ARHGEF1: variants seen among roughly 807,000 people sequenced by gnomAD.
ARHGEF1 encodes Rho guanine nucleotide exchange factor 1.
A neutral mutation model predicts 119.7 loss-of-function variants in ARHGEF1; 40 were observed. That is an observed-to-expected ratio of 0.33 (90% CI 0.26 to 0.44). The LOEUF is 0.44. Ranked by LOEUF, ARHGEF1 falls within the 20% of genes least tolerant of loss-of-function variation. ARHGEF1 has a pLI of 1.00. For synonymous variants in ARHGEF1, 494 were observed against 521.0 expected, an observed-to-expected ratio of 0.95 and a Z score of 0.71; for missense variants, 976 against 1,268.3, an observed-to-expected ratio of 0.77 and a Z score of 3.50.
chr19:41,892,058 C>G lies in ARHGEF1; in HGVS notation c.259C>G (p.Leu87Val). The part of the protein sequence containing the change: ...CCLHADMLGS[L>V]GPKEAKKAFL... ...TCTGCATGCCGACATGCTGGGCTCACTGGGCCCCAAGGAGGCCAAGAAGGC... is the reference window on the plus strand; with the variant it reads ...TCTGCATGCCGACATGCTGGGCTCAGTGGGCCCCAAGGAGGCCAAGAAGGC... The change falls in exon 5 of 29, where the codon CTG (leucine) becomes GTG (valine). Residue 87 changes from leucine to valine, a missense_variant. Leu to Val is a conservative substitution (Grantham distance 32, BLOSUM62 1). Coordinates refer to ENST00000354532, the MANE Select transcript of ARHGEF1 (RefSeq NM_004706.4). This position sits in a 1 kb window ranked among gnomAD's most constrained non-coding sequence, Gnocchi z 6.3. The G allele has an allele frequency of 6.2e-7, 1 of 1,612,720 alleles. No homozygotes were observed. The highest frequency in any genetic ancestry group is 1.1e-5 in the South Asian group (1 of 90,994).
Position 41,916,730 on chromosome 19 carries a change from C to T in ARHGEF1, c.1866-6362C>T, listed in dbSNP as rs1428817566. 1.3e-5 allele frequency among the ~76,000 whole-genome samples: 2 copies of T among 152,030 alleles called. No individual in the cohort carries two copies. Among genetic ancestry groups the T allele is most frequent in the African/African-American group, 4.8e-5 (2 of 41,364 alleles). On this transcript the variant is annotated intron_variant, in intron 18 of 20. Transcript: ENST00000599589. The surrounding 1 kb of genome is among the most constrained non-coding windows in gnomAD (Gnocchi z 5.4). ...GGTCACGCATGGAGCCGTAGAGATA[C>T]ACACACCAGCACCAACCCAGACAGC...
upstream of ARHGEF1, among the ~76,000 whole-genome samples, chr19:41,921,422 C>T (rs2074841708): frequency 6.6e-6 from 1 of 152,086 alleles, no homozygotes; most frequent in Admixed American, 6.5e-5. The surrounding 1 kb of genome is among the most constrained non-coding windows in gnomAD (Gnocchi z 4.4). Context: ...AGGAAAGAGA[C>T]ACAGAGGACA....
rs1277600326 is a variant in ARHGEF1, at chr19:41,884,581, C to T, written c.-20+1292C>T. 29 of 1,537,770 alleles carry T rather than the reference C, an allele frequency of 1.9e-5. No homozygotes were observed. The African/African-American group carries it at 3.4e-4, about 18-fold the overall frequency. ...TGGCCGTGCACACTGCCACGTCCCC[C>T]GTAGGATTTAGGGCCCGCGTAAGAC... On this transcript the variant is annotated intron_variant, in intron 1 of 28. Coordinates refer to ENST00000354532, the MANE Select transcript of ARHGEF1 (RefSeq NM_004706.4).
chr19:41,891,129 C>G (rs1439436510), intron 4 of ARHGEF1, among the ~76,000 whole-genome samples: 2 of 152,170 alleles, frequency 1.3e-5, no homozygotes, highest in Non-Finnish European at 2.9e-5. Context: ...GCACCACCAT[C>G]TGGGACACAG....
At chr19:41,887,965 C>A in intron 1 of ARHGEF1, 99 bp from the exon 2 acceptor site, 3 of 1,332,292 alleles carry the variant, frequency 2.3e-6, no homozygotes, top group Admixed American at 2.3e-5. Flanking sequence ...ATGGGGGAGG[C>A]TGTTTACTCA....
At position 41,923,734 on chromosome 19, in the gene ARHGEF1, G is replaced by A. The variant is rs114571853; in HGVS notation, c.140+501G>A. ...GCTGTGCTGGGGGGGTGTCTGGGGAGGCGGAGGTGTGCTGGGACGGGGCTG... is the reference window on the plus strand; with the variant it reads ...GCTGTGCTGGGGGGGTGTCTGGGGAAGCGGAGGTGTGCTGGGACGGGGCTG... On this transcript the variant is annotated intron_variant, in intron 1 of 2. Coordinates refer to the ARHGEF1 transcript ENST00000594417. 2.6e-3 allele frequency among the ~76,000 whole-genome samples: 49 copies of A among 18,918 alleles called. 3 individuals are homozygous for A. The highest frequency in any genetic ancestry group is 0.014 in the African/African-American group (43 of 3,040). 12.4% of individuals were successfully genotyped at this position (18,918 alleles called of 152,430 possible). A position where few individuals can be genotyped will look rare whatever the true frequency, so the allele number is the denominator to read the frequency against.
chr19:41,896,282 T>G (rs1299511903), intron 12 of ARHGEF1, 95 bp from the exon 13 acceptor site: 3 of 561,890 alleles, frequency 5.3e-6, no homozygotes, highest in Non-Finnish European at 9.1e-6. Flanking sequence ...TGCCAGGCAC[T>G]GGGTAGCTTT....
chr19:41,889,100 C>T lies in ARHGEF1; in HGVS notation c.225+235C>T, dbSNP rs1210996677. On this transcript the variant is annotated intron_variant, in intron 4 of 28. Transcript: ENST00000354532. This position sits in a 1 kb window ranked among gnomAD's most constrained non-coding sequence, Gnocchi z 4.0. ...CTCAGTGCGCAGCGGGCAGGGTACA[C>T]ACGTCAGGACCCCGCGGAGCCACAG... The T allele has an allele frequency of 4.3e-6, 2 of 461,372 alleles. No individual in the cohort carries two copies. The highest frequency in any genetic ancestry group is 4.0e-5 in the African/African-American group (2 of 49,582). The allele number at this position is 461,372 out of a possible 1,614,324, so 28.6% of individuals were successfully genotyped here. A position where few individuals can be genotyped will look rare whatever the true frequency, so the allele number is the denominator to read the frequency against.
In ARHGEF1 at chr19:41,905,018, CTG is replaced by C; in HGVS notation, c.2235_2236del (p.Ser746GlyfsTer11). On this transcript the variant is annotated frameshift_variant, in exon 23 of 29. Coordinates refer to ENST00000354532, the MANE Select transcript of ARHGEF1 (RefSeq NM_004706.4). LOFTEE classifies it high-confidence loss of function. The surrounding 1 kb of genome is among the most constrained non-coding windows in gnomAD (Gnocchi z 6.4). ...CAGATATACGAGCTGGTGGCACAGA[CTG>C]TGTCGGAGCGGAAAAAGTGAGGGGG... 2 of 1,614,148 alleles carry C rather than the reference CTG, an allele frequency of 1.2e-6. No homozygotes were observed. The highest frequency in any genetic ancestry group is 1.7e-6 in the Non-Finnish European group (2 of 1,180,004).
At chr19:41,908,745 C>G, downstream of ARHGEF1, 2 of 815,348 alleles carry the variant, frequency 2.5e-6, no homozygotes, top group Non-Finnish European at 3.3e-6. This position sits in a 1 kb window ranked among gnomAD's most constrained non-coding sequence, Gnocchi z 6.7. Flanking sequence ...GGGGCTGCCT[C>G]CCTGCCATAT....
chr19:41,906,350 A>AC lies in ARHGEF1; in HGVS notation c.2492-104dup. Reference sequence around the variant, plus strand: ...CCCCATCTGCTCAGCCTTGCCTGGCACCCACCTTCACCTCCAGCCCCTACA... The same window carrying AC: ...CCCCATCTGCTCAGCCTTGCCTGGCACCCCACCTTCACCTCCAGCCCCTACA... On this transcript the variant is annotated intron_variant, in intron 26 of 28. Coordinates refer to ENST00000354532, the MANE Select transcript of ARHGEF1 (RefSeq NM_004706.4). The surrounding 1 kb of genome is among the most constrained non-coding windows in gnomAD (Gnocchi z 4.5). The AC allele has an allele frequency of 8.6e-7, 1 of 1,169,370 alleles. No individual in the cohort carries two copies. The highest frequency in any genetic ancestry group is 2.9e-5 in the Admixed American group (1 of 34,808). The allele number at this position is 1,169,370 out of a possible 1,614,324, so 72.4% of individuals were successfully genotyped here. A position where few individuals can be genotyped will look rare whatever the true frequency, so the allele number is the denominator to read the frequency against.
chr19:41,929,130 G>A (rs1248356279), intron 2 of ARHGEF1: 7 of 306,492 alleles, frequency 2.3e-5, no homozygotes, highest in Admixed American at 1.3e-4. Context: ...CCGGTACACG[G>A]AGACATTCAG....
chr19:41,895,433 C>G lies in ARHGEF1; in HGVS notation c.962C>G (p.Thr321Ser). 1 of 1,612,592 alleles carries G rather than the reference C, an allele frequency of 6.2e-7. No homozygotes were observed. The highest frequency in any genetic ancestry group is 8.5e-7 in the Non-Finnish European group (1 of 1,179,598). Residue 321 changes from threonine to serine, a missense_variant, in exon 12 of 29, where the codon ACC becomes AGC. Around this residue, in one of 3 missense-constraint regions of ARHGEF1, gnomAD observed 519 missense variants for 580.9 expected, o/e 0.89. Coordinates refer to ENST00000354532, the MANE Select transcript of ARHGEF1 (RefSeq NM_004706.4). ...AATATCGGGGCTCCTGGGCAGGACA[C>G]CCCTGGAGTCTCTCTGCACCCTCTG... ...DRNIGAPGQD[T>S]PGVSLHPLSL...
At chr19:41,929,528 AC>A (rs1395028648) in intron 2 of ARHGEF1, 2 of 154,332 alleles carry the variant, frequency 1.3e-5, no homozygotes, top group South Asian at 1.9e-4. Flanking sequence ...CCTGACCCTC[AC>A]CCTCACTGTC....
chr19:41,905,098 G>T lies in ARHGEF1; in HGVS notation c.2249+62G>T. Reference sequence around the variant, plus strand: ...ACGCCCAGGTTTCTGGGTTCCCAGGGACAGGAGGGCTGTGGGGAGGCCCTG... The same window carrying T: ...ACGCCCAGGTTTCTGGGTTCCCAGGTACAGGAGGGCTGTGGGGAGGCCCTG... On this transcript the variant is annotated intron_variant, in intron 23 of 28. Transcript: ENST00000354532. The surrounding 1 kb of genome is among the most constrained non-coding windows in gnomAD (Gnocchi z 6.4). 1 of 1,611,810 alleles carries T rather than the reference G, an allele frequency of 6.2e-7. No individual in the cohort carries two copies. The highest frequency in any genetic ancestry group is 8.5e-7 in the Non-Finnish European group (1 of 1,177,920).
chr19:41,896,805 T>TA (rs2074500420), intron 13 of ARHGEF1: 1 of 355,944 alleles, frequency 2.8e-6, no homozygotes, highest in Non-Finnish European at 5.3e-6. Context: ...CTCTCTCACC[T>TA]CCCCTCTCCT....
chr19:41,906,926 C>A lies in ARHGEF1; in HGVS notation c.*17+123C>A. ...GTCTTTTCTGAATCTCCCCACTCCA[C>A]CTCGTGTTTCTCATCTCTGTGTCTC... On this transcript the variant is annotated intron_variant, in intron 28 of 28. Coordinates refer to ENST00000354532, the MANE Select transcript of ARHGEF1 (RefSeq NM_004706.4). The surrounding 1 kb of genome is among the most constrained non-coding windows in gnomAD (Gnocchi z 4.5). 2 of 957,358 alleles carry A rather than the reference C, an allele frequency of 2.1e-6. No individual in the cohort carries two copies. Among genetic ancestry groups the A allele is most frequent in the Non-Finnish European group, 3.0e-6 (2 of 659,104 alleles). The allele number at this position is 957,358 out of a possible 1,614,324, so 59.3% of individuals were successfully genotyped here.
rs782368111 is a variant in ARHGEF1 at position 41,903,272 on chromosome 19, G to A, written c.1739-35G>A. 2.5e-6 allele frequency: 4 copies of A among 1,599,254 alleles called. No homozygotes were observed. The highest frequency in any genetic ancestry group is 2.2e-5 in the East Asian group (1 of 44,786). ...GCCCAATCTGGAGCCTCCAGGGCAG[G>A]GGTTCACCAGAGCTGCTCTCTCCCT... On this transcript the variant is annotated intron_variant, in intron 18 of 28. Transcript: ENST00000354532. The surrounding 1 kb of genome is among the most constrained non-coding windows in gnomAD (Gnocchi z 4.2).
chr19:41,927,878 T>A (rs2145915750), intron 1 of ARHGEF1, among the ~76,000 whole-genome samples: 1 of 151,022 alleles, frequency 6.6e-6, no homozygotes, highest in East Asian at 2.0e-4. Context: ...CTGCCCCACC[T>A]GCCCCTTACA....
Sources: gnomAD v4.1 joint callset for allele counts (sites outside exome capture counted in the v4.1 genomes callset) on GRCh38, gnomAD v4.1.1 for gene constraint, gnomAD v4.1.1 regional missense constraint, Gnocchi (gnomAD v3.1) non-coding constraint, MANE v1.5 for transcripts, NCBI Gene and HGNC (gene_info 2026-07-23, HGNC 2026-07-21) for gene names.